The following HLA-DQB1 variants were observed in gnomAD, a reference collection of about 807,000 sequenced individuals.
HLA-DQB1 encodes the protein major histocompatibility complex, class II, DQ beta 1, also known as HLA class II histocompatibility antigen, DQ beta 1 chain.
In HLA-DQB1, 13 loss-of-function variants were observed where a neutral mutation model predicts 26.4. The ratio of observed to expected loss-of-function variants is 0.49; its 90% CI spans 0.32 to 0.78. The LOEUF (loss-of-function observed/expected upper bound fraction) is 0.78. Among genes scored for constraint, HLA-DQB1 ranks in the 30% least tolerant of loss-of-function variants. The pLI, the probability that HLA-DQB1 is intolerant of heterozygous loss-of-function variation, is 0.03. For synonymous variants in HLA-DQB1, 60 were observed against 129.1 expected, an observed-to-expected ratio of 0.46 and a Z score of 3.63; for missense variants, 158 against 326.2, an observed-to-expected ratio of 0.48 and a Z score of 3.97.
At chr6:32,661,934 G>GGCC in intron 3 of HLA-DQB1, 33 bp downstream of exon 3, 1 of 1,392,338 alleles carries the variant, frequency 7.2e-7, no homozygotes, top group Non-Finnish European at 9.8e-7. Flanking sequence ...TGTCTTGTGG[G>GGCC]CCCATAGTAA....
At position 32,664,180 on chromosome 6, in the gene HLA-DQB1, C is replaced by T. The variant is rs281862560; in HGVS notation, c.379+618G>A. ...CACATACCAGTCAATGTGTCAGGTA[C>T]CAGGCATGCAATAATTAAACAGTCT... On this transcript the variant is annotated intron_variant, in intron 2 of 4. Transcript: ENST00000434651. 7.6e-5 allele frequency: 5 copies of T among 65,570 alleles called. 1 individual carries two copies. The highest frequency in any genetic ancestry group is 9.9e-5 in the Non-Finnish European group (3 of 30,246). 4.1% of individuals were successfully genotyped at this position (65,570 alleles called of 1,614,324 possible).
Position 32,666,089 on chromosome 6 carries a change from C to T in HLA-DQB1, c.109+410G>A, listed in dbSNP as rs116969302. On this transcript the variant is annotated intron_variant, in intron 1 of 4. Transcript: ENST00000434651. ...TCCTCAAATACAGAGACTACAGACA[C>T]CATTGCTGCCTCACATTTTCCAATG... is the stretch of plus-strand genomic sequence containing the variant. 0.015 allele frequency among the ~76,000 whole-genome samples: 1,667 copies of T among 108,686 alleles called. 94 individuals carry two copies. The South Asian group carries it at 0.19, about 12-fold the overall frequency. 71.3% of individuals were successfully genotyped at this position (108,686 alleles called of 152,430 possible).
chr6:32,661,920 T>TCTGCG (rs148411365), intron 3 of HLA-DQB1, 47 bp downstream of exon 3: 30 of 1,216,580 alleles, frequency 2.5e-5, no homozygotes, highest in Non-Finnish European at 2.0e-5. Flanking sequence ...CAGAAGGAGC[T>TCTGCG]CTTTGTCTTG....
chr6:32,660,132 A>G, exon 5 of HLA-DQB1: 1 of 557,830 alleles, frequency 1.8e-6, no homozygotes. Flanking sequence ...TAGGACTTTG[A>G]TCTCAGGGGG....
chr6:32,666,497 A>G lies in HLA-DQB1; in HGVS notation c.109+2T>C, dbSNP rs281860847. 4 of 1,043,974 alleles carry G rather than the reference A, an allele frequency of 3.8e-6. No individual in the cohort carries two copies. The highest frequency in any genetic ancestry group is 5.7e-6 in the Non-Finnish European group (4 of 704,502). 64.7% of individuals were successfully genotyped at this position (1,043,974 alleles called of 1,614,324 possible). On this transcript the variant is annotated splice_donor_variant, in intron 1 of 4. Transcript: ENST00000434651. LOFTEE classifies it high-confidence loss of function. Reference sequence around the variant, plus strand: ...TCTGGAGAGCAGCTGCCCTGCACTTACCGGGAGAGTCTCTGCCCTCAGCCA... The same window carrying G: ...TCTGGAGAGCAGCTGCCCTGCACTTGCCGGGAGAGTCTCTGCCCTCAGCCA...
In HLA-DQB1 at chr6:32,666,486, G is replaced by T. The variant is rs66957194; in HGVS notation, c.109+13C>A. Reference sequence around the variant, plus strand: ...AGAGTGGCGGCTCTGGAGAGCAGCTGCCCTGCACTTACCGGGAGAGTCTCT... The same window carrying T: ...AGAGTGGCGGCTCTGGAGAGCAGCTTCCCTGCACTTACCGGGAGAGTCTCT... On this transcript the variant is annotated intron_variant, in intron 1 of 4. Transcript: ENST00000434651. 188,663 of 941,664 alleles carry T rather than the reference G, an allele frequency of 0.2. 30,679 individuals carry two copies. Among genetic ancestry groups the T allele is most frequent in the South Asian group, 0.25 (15,460 of 62,422 alleles). 58.3% of individuals were successfully genotyped at this position (941,664 alleles called of 1,614,324 possible).
intron 1 of HLA-DQB1, among the ~76,000 whole-genome samples, chr6:32,666,118 G>A (rs113028711): frequency 0.22 from 23,668 of 109,626 alleles, 2,326 homozygotes; most frequent in South Asian, 0.33. Flanking sequence ...TCCAATGCAG[G>A]ATCTCATAAT....
intron 2 of HLA-DQB1, chr6:32,664,554 C>T (rs41263817): frequency 2.2e-4 from 47 of 213,146 alleles, no homozygotes; most frequent in African/African-American, 6.0e-4. Context: ...AGGACGAGGC[C>T]GACGGACGGG....
At chr6:32,666,141 C>CAA (rs9282156) in intron 1 of HLA-DQB1, among the ~76,000 whole-genome samples, 54,121 of 141,422 alleles carry the variant, frequency 0.38, 11,265 homozygotes, top group East Asian at 0.62. Flanking sequence ...TAAGTCCAGG[C>CAA]AGTCTTGGGG....
At chr6:32,664,484 C>T (rs28746784) in intron 2 of HLA-DQB1, 9,511 of 153,732 alleles carry the variant, frequency 0.062, 3,315 homozygotes, top group East Asian at 0.36. Context: ...AACTGCTTAG[C>T]GAAGGTAAGG....
chr6:32,665,074 G>T lies in HLA-DQB1; in HGVS notation c.110-7C>A, dbSNP rs281862046. The T allele has an allele frequency of 1.5e-6, 2 of 1,310,238 alleles. 1 individual carries two copies. The highest frequency in any genetic ancestry group is 2.1e-6 in the Non-Finnish European group (2 of 950,286). 81.2% of individuals were successfully genotyped at this position (1,310,238 alleles called of 1,614,324 possible). On this transcript the variant is annotated splice_polypyrimidine_tract_variant and splice_region_variant and intron_variant, in intron 1 of 4. Coordinates refer to ENST00000434651, the Ensembl canonical transcript of HLA-DQB1. ...AACTGGAACACGAAATCCTCTGCGG[G>T]GAATCACCGGCCGGTCAGTCAGGCC...
Position 32,661,644 on chromosome 6 carries a change from G to A in HLA-DQB1, c.662-187C>T. On this transcript the variant is annotated intron_variant, in intron 3 of 4. Transcript: ENST00000434651. ...TTGGATACAGTGAATAGGTGAGAGAGTGGGGAAGCAAATCTCTGCTCTTCA... is the reference window on the plus strand; with the variant it reads ...TTGGATACAGTGAATAGGTGAGAGAATGGGGAAGCAAATCTCTGCTCTTCA... 4.7e-6 allele frequency: 2 copies of A among 427,206 alleles called. 1 individual carries two copies. Among genetic ancestry groups the A allele is most frequent in the Non-Finnish European group, 8.1e-6 (2 of 247,604 alleles). The allele number at this position is 427,206 out of a possible 1,614,324, so 26.5% of individuals were successfully genotyped here.
At chr6:32,663,002 G>A (rs1363602665) in intron 2 of HLA-DQB1, 4 of 140,956 alleles carry the variant, frequency 2.8e-5, no homozygotes, top group African/African-American at 1.1e-4. Context: ...CCTGTAATGT[G>A]AACATATACA....
intron 2 of HLA-DQB1, 153 bp from the exon 3 acceptor site, chr6:32,662,401 G>A (rs9274107): frequency 1.1e-5 from 3 of 274,182 alleles, no homozygotes; most frequent in African/African-American, 3.6e-5. Flanking sequence ...ATATAAATTT[G>A]ACAATCACTG....
intron 2 of HLA-DQB1, chr6:32,663,750 T>A (rs281863258): frequency 2.4e-5 from 3 of 122,934 alleles, no homozygotes; most frequent in Non-Finnish European, 5.2e-5. Flanking sequence ...TTCAGAATGT[T>A]TATTCCTGAA....
intron 2 of HLA-DQB1, chr6:32,662,732 A>G (rs9274185): frequency 0.76 from 70,918 of 93,882 alleles, 28,931 homozygotes; most frequent in East Asian, 0.92. Flanking sequence ...CCACTTTATC[A>G]CATTTCCTTT....
intron 2 of HLA-DQB1, chr6:32,663,361 A>G (rs1783394999): frequency 1.1e-5 from 1 of 94,804 alleles, no homozygotes; most frequent in African/African-American, 3.9e-5. Flanking sequence ...GTGAACCTGC[A>G]TAGATAACAC....
intron 2 of HLA-DQB1, chr6:32,663,853 C>T (rs281863169): frequency 1.5e-5 from 2 of 133,692 alleles, no homozygotes; most frequent in African/African-American, 5.6e-5. Flanking sequence ...CCTATTTATT[C>T]CCAAACTTCT....
At position 32,665,155 on chromosome 6, in the gene HLA-DQB1, GC is replaced by G; in HGVS notation, c.110-89del. ...TGACCCGGCCTGGAGCTGTGGAACCGCCCGCGCGACCTCCAGTTCCCGCCCG... is the reference window on the plus strand; with the variant it reads ...TGACCCGGCCTGGAGCTGTGGAACCGCCGCGCGACCTCCAGTTCCCGCCCG... On this transcript the variant is annotated intron_variant, in intron 1 of 4. Coordinates refer to ENST00000434651, the Ensembl canonical transcript of HLA-DQB1. 2.4e-6 allele frequency: 2 copies of G among 822,244 alleles called. 1 individual carries two copies. Among genetic ancestry groups the G allele is most frequent in the South Asian group, 4.6e-5 (2 of 43,684 alleles). 50.9% of individuals were successfully genotyped at this position (822,244 alleles called of 1,614,324 possible).
Sources: allele counts gnomAD v4.1 joint callset (sites outside exome capture counted in the v4.1 genomes callset), GRCh38; gene constraint gnomAD v4.1.1; transcripts MANE v1.5; gene names NCBI Gene and HGNC (gene_info 2026-07-23, HGNC 2026-07-21).